Variants in B4GALT1 observed in about 807,000 individuals in gnomAD.
B4GALT1 encodes the protein N-acetyllactosamine synthase.
B4GALT1 carries 16 observed loss-of-function variants against 34.9 expected under a neutral mutation model. The ratio of observed to expected loss-of-function variants is 0.46; its 90% CI spans 0.31 to 0.70. B4GALT1 has a LOEUF of 0.70. B4GALT1 is among the 30% of genes least tolerant of loss of function. The pLI is 0.05. For missense variants in B4GALT1, 445 were observed against 530.5 expected (o/e 0.84, Z 1.58); for synonymous variants, 221 against 218.1 (o/e 1.01, Z -0.12).
chr9:33,181,576 T>C, the B4GALT1 span, among the ~76,000 whole-genome samples: 1 of 152,198 alleles, frequency 6.6e-6, no homozygotes, highest in South Asian at 2.1e-4. Context: ...ACTCCCACTC[T>C]TCCCTATGTG....
chr9:33,172,584 T>C, the B4GALT1 span, among the ~76,000 whole-genome samples: 1 of 152,212 alleles, frequency 6.6e-6, no homozygotes, highest in African/African-American at 2.4e-5. Context: ...TTAGTCATTG[T>C]TTTCTTTAAC....
At chr9:33,108,063 CAT>C (rs1839814327), downstream of B4GALT1, among the ~76,000 whole-genome samples, 1 of 152,236 alleles carries the variant, frequency 6.6e-6, no homozygotes, top group Admixed American at 6.5e-5. Flanking sequence ...TATGTCAACA[CAT>C]ATGCCCACGT....
the B4GALT1 span, among the ~76,000 whole-genome samples, chr9:33,184,253 T>TACACACACACACAC: frequency 2.5e-3 from 369 of 147,222 alleles, no homozygotes; most frequent in African/African-American, 3.8e-3. Flanking sequence ...GTCACTCTTG[T>TACACACACACACAC]ACACACACAC....
chr9:33,149,197 AT>A (rs576038553), intron 1 of B4GALT1, among the ~76,000 whole-genome samples: 61 of 122,116 alleles, frequency 5.0e-4, no homozygotes, highest in East Asian at 3.1e-3. Flanking sequence ...AAGAAAAAAA[AT>A]TTAAAAAAAA....
intron 2 of B4GALT1, among the ~76,000 whole-genome samples, chr9:33,131,228 G>A (rs965275844): frequency 3.3e-5 from 5 of 152,198 alleles, no homozygotes; most frequent in African/African-American, 1.2e-4. Flanking sequence ...AGACGCTGGG[G>A]TTTGAGCCGC....
chr9:33,107,855 T>A (rs185481843), downstream of B4GALT1, among the ~76,000 whole-genome samples: 128 of 150,852 alleles, frequency 8.5e-4, 2 homozygotes, highest in African/African-American at 2.9e-3. Context: ...AGGTGGGGAG[T>A]GGAAGGGTGG....
chr9:33,120,957 G>A (rs142531604), intron 2 of B4GALT1, among the ~76,000 whole-genome samples: 2 of 152,166 alleles, frequency 1.3e-5, no homozygotes, highest in Admixed American at 1.3e-4. Flanking sequence ...TTAAAAAGAG[G>A]CAGCTCTAAA....
At chr9:33,147,917 C>T (rs924710599) in intron 1 of B4GALT1, among the ~76,000 whole-genome samples, 2 of 151,844 alleles carry the variant, frequency 1.3e-5, no homozygotes, top group African/African-American at 4.8e-5. Context: ...ACCTGTAGTC[C>T]CAACTACTCA....
chr9:33,145,441 C>T (rs1327555588), intron 1 of B4GALT1, among the ~76,000 whole-genome samples: 1 of 152,180 alleles, frequency 6.6e-6, no homozygotes. Flanking sequence ...CTCAGGTGGT[C>T]ACTCAGCCCA....
intron 2 of B4GALT1, among the ~76,000 whole-genome samples, chr9:33,128,591 C>T (rs1472307551): frequency 3.3e-5 from 5 of 152,140 alleles, no homozygotes; most frequent in African/African-American, 9.7e-5. Flanking sequence ...TTCCCCACCC[C>T]GGCAAGCTCC....
At chr9:33,157,634 G>A (rs1194760587) in intron 1 of B4GALT1, among the ~76,000 whole-genome samples, 1 of 151,898 alleles carries the variant, frequency 6.6e-6, no homozygotes, top group Non-Finnish European at 1.5e-5. Flanking sequence ...AGCAAGCTCT[G>A]TTACAGAAGT....
chr9:33,152,768 G>C (rs907485054), intron 1 of B4GALT1, among the ~76,000 whole-genome samples: 3 of 152,134 alleles, frequency 2.0e-5, no homozygotes, highest in African/African-American at 7.2e-5. Flanking sequence ...CAGATACTTG[G>C]GAGGCTAAGG....
chr9:33,127,517 C>T (rs955617341), intron 2 of B4GALT1, among the ~76,000 whole-genome samples: 1 of 152,222 alleles, frequency 6.6e-6, no homozygotes, highest in African/African-American at 2.4e-5. Context: ...CATAATCCCA[C>T]ATCTGAAAAT....
chr9:33,168,090 T>A (rs2118362284), upstream of B4GALT1, among the ~76,000 whole-genome samples: 1 of 152,158 alleles, frequency 6.6e-6, no homozygotes, highest in South Asian at 2.1e-4. Flanking sequence ...GTGCAGGAGA[T>A]CAGCCGGCGT....
chr9:33,181,501 C>T, the B4GALT1 span, among the ~76,000 whole-genome samples: 1 of 151,698 alleles, frequency 6.6e-6, no homozygotes. Flanking sequence ...GAATCAACGT[C>T]TTCCTGTAAT....
At chr9:33,182,396 G>A in the B4GALT1 span, among the ~76,000 whole-genome samples, 3 of 152,142 alleles carry the variant, frequency 2.0e-5, no homozygotes, top group African/African-American at 4.8e-5. Context: ...CTGAGGTTTC[G>A]GATAGAAATG....
At chr9:33,134,288 CGAAAT>C (rs1193307218) in intron 2 of B4GALT1, among the ~76,000 whole-genome samples, 2 of 152,170 alleles carry the variant, frequency 1.3e-5, no homozygotes, top group East Asian at 3.9e-4. Context: ...GAGTTTATCT[CGAAAT>C]GAAATGGACA....
intron 1 of B4GALT1, among the ~76,000 whole-genome samples, chr9:33,142,135 A>G (rs1047087957): frequency 6.6e-6 from 1 of 151,852 alleles, no homozygotes; most frequent in East Asian, 1.9e-4. Context: ...GGCACACACC[A>G]CCATGACCAG....
In B4GALT1 at chr9:33,135,239, G is replaced by T; in HGVS notation, c.598C>A (p.Pro200Thr). The change falls in exon 2 of 6, where the codon CCA (proline) becomes ACA (threonine). Residue 200 changes from proline (P) to threonine (T), a missense_variant. This residue lies in a region of B4GALT1 where 349 missense variants were observed against 395.5 expected (regional missense o/e 0.88). Coordinates refer to ENST00000379731, the MANE Select transcript of B4GALT1 (RefSeq NM_001497.4). Reference protein sequence around the residue: ...HLKYWLYYLHPVLQRQQLDYG... With the variant: ...HLKYWLYYLHTVLQRQQLDYG... ...TCCAGCTGCTGGCGCTGCAGGACTG[G>T]GTGCAAATAATATAGCCAGTACTTG... The T allele has an allele frequency of 6.2e-7, 1 of 1,614,144 alleles. No individual in the cohort carries two copies. Among genetic ancestry groups the T allele is most frequent in the Non-Finnish European group, 8.5e-7 (1 of 1,180,026 alleles).
Sources: allele counts gnomAD v4.1 joint callset (sites outside exome capture counted in the v4.1 genomes callset), GRCh38; gene constraint gnomAD v4.1.1; regional missense constraint gnomAD v4.1.1; transcripts MANE v1.5; gene names NCBI Gene and HGNC (gene_info 2026-07-23, HGNC 2026-07-21).